Variants in GNL3L observed in about 807,000 individuals in gnomAD.
GNL3L encodes G protein nucleolar 3 like.
Under a neutral mutation model 42.9 loss-of-function variants are expected in GNL3L, and 4 were observed. The ratio of observed to expected loss-of-function variants is 0.09; its 90% confidence interval spans 0.05 to 0.21. The LOEUF (loss-of-function observed/expected upper bound fraction) is 0.21, where lower values mean the gene tolerates loss of function less well. Ranked by LOEUF, GNL3L falls within the 10% of genes least tolerant of loss-of-function variation. The pLI is 1.00. For missense variants in GNL3L, 412 were observed against 481.7 expected, an observed-to-expected ratio of 0.86 and a Z score of 1.36; for synonymous variants, 159 against 176.3, an observed-to-expected ratio of 0.90 and a Z score of 0.78.
chrX:54,551,453 C>T (rs751099466), intron 10 of GNL3L, 115 bp from the exon 11 acceptor site: 16 of 560,871 alleles, frequency 2.9e-5, no homozygotes, highest in Middle Eastern at 5.5e-4. Flanking sequence ...TCTCCACCTT[C>T]GTCTCTAATG....
chrX:54,594,015 A>G (rs963659682), intron 16 of GNL3L, among the ~76,000 whole-genome samples: 7 of 112,157 alleles, frequency 6.2e-5, no homozygotes, highest in African/African-American at 2.3e-4. Context: ...TTTTTGACCT[A>G]ACATAACATA....
rs965750790 is a variant in GNL3L at position 54,561,750 on chromosome X, C to T, written c.*1148C>T. On this transcript the variant is annotated 3_prime_UTR_variant, in exon 16 of 16. Transcript: ENST00000360845. ...ACCATTTATTCACAGACTGTATCCTCGAGAGAGCTGCTATATATGGGAGTG... is the reference window on the plus strand; with the variant it reads ...ACCATTTATTCACAGACTGTATCCTTGAGAGAGCTGCTATATATGGGAGTG... Among the ~76,000 whole-genome samples the T allele has an allele frequency of 1.8e-5, 2 of 111,279 alleles. No individual in the cohort carries two copies. The highest frequency in any genetic ancestry group is 6.5e-5 in the African/African-American group (2 of 30,556).
At position 54,572,925 on chromosome X, in the gene GNL3L, C is replaced by T. The variant is rs765268863; in HGVS notation, c.*45+12278C>T. The stretch of plus-strand genomic sequence containing the variant: ...CCCAGACAGGGCGGCGGGGCAGAGG[C>T]GCTCCCCACATCCCAGACGATGGGC... On this transcript the variant is annotated intron_variant, in intron 16 of 16. Coordinates refer to the GNL3L transcript ENST00000674498. Among the ~76,000 whole-genome samples, 13 of 105,847 alleles carry T rather than the reference C, an allele frequency of 1.2e-4. No homozygotes were observed. The South Asian group carries it at 1.7e-3, about 14-fold the overall frequency. 91.9% of individuals were successfully genotyped at this position (105,847 alleles called of 115,157 possible).
rs1272869288 is a variant in GNL3L, at chrX:54,617,985, CTT to C, written c.*46-2857_*46-2856del. 2.7e-5 allele frequency among the ~76,000 whole-genome samples: 3 copies of C among 111,718 alleles called. No homozygotes were observed. The Admixed American group carries it at 2.9e-4, about 11-fold the overall frequency. ...CTTCTTCATGGGCCTTTCTCAGTCT[CTT>C]TTATATATTCTTTTCCTTCCTATTC... On this transcript the variant is annotated intron_variant, in intron 16 of 16. Coordinates refer to the GNL3L transcript ENST00000674498.
chrX:54,539,165 C>T, intron 3 of GNL3L, 64 bp downstream of exon 3: 1 of 588,512 alleles, frequency 1.7e-6, no homozygotes, highest in Non-Finnish European at 2.7e-6. Flanking sequence ...GAGAGGCCCA[C>T]TAAACCCAGT....
chrX:54,571,850 C>A (rs1925547943), downstream of GNL3L, among the ~76,000 whole-genome samples: 1 of 108,905 alleles, frequency 9.2e-6, no homozygotes, highest in Non-Finnish European at 1.9e-5. Flanking sequence ...ATATTTTTTC[C>A]TCTTCACCTG....
chrX:54,576,153 T>C (rs150679744), intron 16 of GNL3L, among the ~76,000 whole-genome samples: 2,036 of 112,040 alleles, frequency 0.018, 37 homozygotes, highest in African/African-American at 0.063. Context: ...TTCAGTTGTC[T>C]ATTTCTCCTT....
rs771537320 is a variant in GNL3L at position 54,563,481 on chromosome X, C to T, written c.*2879C>T. On this transcript the variant is annotated 3_prime_UTR_variant, in exon 16 of 16. Transcript: ENST00000360845. ...TCAAACAGAACTAAAGTAGTCATGT[C>T]GGTAAGAATTTGGGACTGCAGGCCA... Among the ~76,000 whole-genome samples, 4 of 111,471 alleles carry T rather than the reference C, an allele frequency of 3.6e-5. No homozygotes were observed. Among genetic ancestry groups the T allele is most frequent in the Admixed American group, 9.6e-5 (1 of 10,394 alleles).
chrX:54,644,066 C>T, the GNL3L span, among the ~76,000 whole-genome samples: 1 of 112,079 alleles, frequency 8.9e-6, no homozygotes, highest in Non-Finnish European at 1.9e-5. Flanking sequence ...AATAGTGCTA[C>T]AATAAACATG....
At chrX:54,617,956 C>T (rs1417450083) in intron 16 of GNL3L, among the ~76,000 whole-genome samples, 1 of 112,015 alleles carries the variant, frequency 8.9e-6, no homozygotes. Context: ...GGGTCTCTTT[C>T]AGTCTTCTTC....
At chrX:54,607,058 T>TTCTTTC (rs1569542602) in intron 16 of GNL3L, among the ~76,000 whole-genome samples, 1 of 58,687 alleles carries the variant, frequency 1.7e-5, no homozygotes, top group Non-Finnish European at 3.0e-5. Flanking sequence ...CTTTCTTTCT[T>TTCTTTC]TCTTTCTTTC....
intron 16 of GNL3L, among the ~76,000 whole-genome samples, chrX:54,616,316 T>C (rs1210467149): frequency 8.9e-6 from 1 of 112,882 alleles, no homozygotes; most frequent in Non-Finnish European, 1.9e-5. Flanking sequence ...TTAATAAAAA[T>C]TGCATACCTT....
the GNL3L span, among the ~76,000 whole-genome samples, chrX:54,638,433 C>T: frequency 8.9e-5 from 10 of 111,747 alleles, no homozygotes; most frequent in Admixed American, 6.7e-4. Context: ...TCATCACCTT[C>T]GATATCTTTC....
chrX:54,644,934 G>A, the GNL3L span, among the ~76,000 whole-genome samples: 2 of 111,485 alleles, frequency 1.8e-5, no homozygotes, highest in Non-Finnish European at 1.9e-5. Context: ...AATTTTTTAT[G>A]TTAGTAGAAT....
intron 9 of GNL3L, among the ~76,000 whole-genome samples, chrX:54,548,941 T>A (rs778492275): frequency 9.0e-6 from 1 of 110,676 alleles, no homozygotes; most frequent in African/African-American, 3.3e-5. Flanking sequence ...GGAAGCCAGA[T>A]GGCAGGATTG....
the GNL3L span, among the ~76,000 whole-genome samples, chrX:54,643,425 G>T: frequency 9.1e-6 from 1 of 109,916 alleles, no homozygotes; most frequent in Non-Finnish European, 1.9e-5. Flanking sequence ...TCCCTTTATG[G>T]TTTTTGGGTT....
At chrX:54,607,700 CAATA>C (rs1043130805) in intron 16 of GNL3L, among the ~76,000 whole-genome samples, 6 of 111,287 alleles carry the variant, frequency 5.4e-5, no homozygotes, top group East Asian at 2.8e-4. Flanking sequence ...GAGTCTGCTC[CAATA>C]AATAAATAAA....
chrX:54,556,512 G>A (rs1925101067), intron 14 of GNL3L, among the ~76,000 whole-genome samples: 1 of 110,840 alleles, frequency 9.0e-6, no homozygotes, highest in African/African-American at 3.3e-5. Context: ...ACCCTATCAA[G>A]CCACGTCTTG....
At chrX:54,637,674 G>A in the GNL3L span, among the ~76,000 whole-genome samples, 1 of 112,266 alleles carries the variant, frequency 8.9e-6, no homozygotes, top group African/African-American at 3.2e-5. Context: ...TTGCTAATTT[G>A]TGCAAAACTG....
Sources: allele counts gnomAD v4.1 joint callset (sites outside exome capture counted in the v4.1 genomes callset), GRCh38; gene constraint gnomAD v4.1.1; transcripts MANE v1.5; gene names NCBI Gene and HGNC (gene_info 2026-07-23, HGNC 2026-07-21).